The following IQGAP2 variants were observed in gnomAD, a reference collection of about 807,000 sequenced individuals.
The protein encoded by IQGAP2 is ras GTPase-activating-like protein IQGAP2.
Under a neutral mutation model 201.3 loss-of-function variants are expected in IQGAP2, and 173 were observed. The ratio of observed to expected loss-of-function variants is 0.86; its 90% CI spans 0.76 to 0.98. The LOEUF (loss-of-function observed/expected upper bound fraction) is 0.98, where lower values mean the gene tolerates loss of function less well. Among genes scored for constraint, IQGAP2 ranks in the 50% least tolerant of loss-of-function variants. IQGAP2 has a pLI of 0.00. For missense variants in IQGAP2, 1,687 were observed against 1,864.8 expected (o/e 0.90, Z 1.76); for synonymous variants, 675 against 673.9 (o/e 1.00, Z -0.03).
intron 12 of IQGAP2, chr5:76,608,961 G>T: frequency 1.3e-6 from 1 of 785,534 alleles, no homozygotes; most frequent in Non-Finnish European, 2.0e-6. Context: ...GTGGACCGTG[G>T]GCTGAGTGAA....
chr5:76,459,828 A>G (rs1754327105), intron 1 of IQGAP2, among the ~76,000 whole-genome samples: 1 of 152,020 alleles, frequency 6.6e-6, no homozygotes, highest in Non-Finnish European at 1.5e-5. Flanking sequence ...TTTAGTAGAG[A>G]TGGGATTTCA....
At chr5:76,549,107 G>A (rs1242629551) in intron 2 of IQGAP2, among the ~76,000 whole-genome samples, 3 of 152,166 alleles carry the variant, frequency 2.0e-5, no homozygotes, top group Non-Finnish European at 4.4e-5. Flanking sequence ...GGATATGGTG[G>A]TGAGCAGTAA....
chr5:76,617,101 A>G (rs1458346023), intron 13 of IQGAP2: 1 of 154,688 alleles, frequency 6.5e-6, no homozygotes, highest in East Asian at 1.9e-4. Context: ...GAGTTGTGAT[A>G]TCTTTTCTCC....
intron 13 of IQGAP2, among the ~76,000 whole-genome samples, chr5:76,621,053 C>T (rs1749613570): frequency 6.6e-6 from 1 of 152,222 alleles, no homozygotes; most frequent in African/African-American, 2.4e-5. Flanking sequence ...ATATAAACCT[C>T]ATTCTTATCG....
chr5:76,619,603 G>A (rs866161774), intron 13 of IQGAP2, among the ~76,000 whole-genome samples: 20 of 139,784 alleles, frequency 1.4e-4, no homozygotes, highest in Admixed American at 3.1e-4. Flanking sequence ...TGCAACCTCC[G>A]CCTCCCGGGT....
chr5:76,516,422 A>G (rs907788872), intron 2 of IQGAP2, among the ~76,000 whole-genome samples: 5 of 152,216 alleles, frequency 3.3e-5, no homozygotes, highest in African/African-American at 1.2e-4. Flanking sequence ...TCATCAAGCT[A>G]TAACAAAACT....
Position 76,532,026 on chromosome 5 carries a change from A to T in IQGAP2, c.147-30370A>T, listed in dbSNP as rs552868751. On this transcript the variant is annotated intron_variant, in intron 2 of 35. Transcript: ENST00000274364. The stretch of plus-strand genomic sequence containing the variant: ...TGCCATTCATGAGGGCTCCACCCTC[A>T]TGGCCTAATGGCCTCCCACAGGCCA... 8.5e-5 allele frequency among the ~76,000 whole-genome samples: 13 copies of T among 152,356 alleles called. No individual in the cohort carries two copies. In the East Asian group the frequency reaches 2.5e-3, roughly 29 times the overall value.
chr5:76,495,209 G>A (rs1756811568), intron 2 of IQGAP2, among the ~76,000 whole-genome samples: 1 of 152,142 alleles, frequency 6.6e-6, no homozygotes, highest in African/African-American at 2.4e-5. Context: ...AATGAAAATG[G>A]TTGAGAAGCA....
chr5:76,630,300 C>T (rs751643816), intron 14 of IQGAP2, among the ~76,000 whole-genome samples: 4 of 152,100 alleles, frequency 2.6e-5, no homozygotes, highest in Non-Finnish European at 4.4e-5. Flanking sequence ...TAACACTCAC[C>T]AGATTATAGC....
At chr5:76,552,993 T>C (rs1743665992) in intron 2 of IQGAP2, among the ~76,000 whole-genome samples, 1 of 152,248 alleles carries the variant, frequency 6.6e-6, no homozygotes, top group Non-Finnish European at 1.5e-5. Flanking sequence ...GCCTTTCATG[T>C]CACTTTCTTA....
At chr5:76,625,325 C>T (rs968763623) in intron 13 of IQGAP2, among the ~76,000 whole-genome samples, 1 of 152,076 alleles carries the variant, frequency 6.6e-6, no homozygotes, top group Non-Finnish European at 1.5e-5. Flanking sequence ...AGGCAAATAC[C>T]CTTCAAAAGA....
rs1031367104 is a variant in IQGAP2, at chr5:76,707,594, T to C, written c.*281T>C. ...GGACATCCTGTGATCTGTTTTAAAG[T>C]TGGGGGGTGGGAAATTTAGCTGACT... is the stretch of plus-strand genomic sequence containing the variant. On this transcript the variant is annotated 3_prime_UTR_variant, in exon 36 of 36. Coordinates refer to ENST00000274364, the MANE Select transcript of IQGAP2 (RefSeq NM_006633.5). 2 of 257,752 alleles carry C rather than the reference T, an allele frequency of 7.8e-6. No individual in the cohort carries two copies. The highest frequency in any genetic ancestry group is 4.4e-5 in the African/African-American group (2 of 45,008). 16.0% of individuals were successfully genotyped at this position (257,752 alleles called of 1,614,324 possible).
intron 13 of IQGAP2, chr5:76,618,267 G>A: frequency 6.2e-7 from 1 of 1,614,164 alleles, no homozygotes. Context: ...TATCTTAAAG[G>A]GCAATGTAAC....
chr5:76,637,211 T>A, intron 16 of IQGAP2, 35 bp downstream of exon 16: 1 of 1,513,646 alleles, frequency 6.6e-7, no homozygotes, highest in Non-Finnish European at 8.9e-7. Flanking sequence ...AACTCTACTG[T>A]ATAAAGTTAA....
intron 1 of IQGAP2, among the ~76,000 whole-genome samples, chr5:76,431,817 CAAA>C (rs11292591): frequency 2.1e-4 from 24 of 114,082 alleles, no homozygotes; most frequent in Admixed American, 3.8e-4. Flanking sequence ...GACTCTGTAT[CAAA>C]AAAAAAAAAA....
chr5:76,622,143 T>G (rs370292915), intron 13 of IQGAP2, among the ~76,000 whole-genome samples: 71 of 152,234 alleles, frequency 4.7e-4, no homozygotes, highest in African/African-American at 1.6e-3. Flanking sequence ...GAAAGCAAAT[T>G]CACTGCCTCT....
At chr5:76,645,883 T>G (rs1250246147) in intron 17 of IQGAP2, among the ~76,000 whole-genome samples, 5 of 151,806 alleles carry the variant, frequency 3.3e-5, no homozygotes, top group Non-Finnish European at 5.9e-5. Context: ...GCAGGAATGA[T>G]TCAATATTAA....
At chr5:76,644,032 A>G (rs1163916362) in intron 17 of IQGAP2, among the ~76,000 whole-genome samples, 6 of 152,000 alleles carry the variant, frequency 3.9e-5, no homozygotes, top group African/African-American at 1.4e-4. Flanking sequence ...GGTAATTTGA[A>G]TATCTCTATA....
intron 3 of IQGAP2, among the ~76,000 whole-genome samples, chr5:76,568,529 G>C (rs914296548): frequency 1.3e-5 from 2 of 152,210 alleles, no homozygotes; most frequent in East Asian, 1.9e-4. Flanking sequence ...TAAACACATG[G>C]GTGTCTTTGT....
Sources: gnomAD v4.1 joint callset for allele counts (sites outside exome capture counted in the v4.1 genomes callset) on GRCh38, gnomAD v4.1.1 for gene constraint, MANE v1.5 for transcripts, NCBI Gene and HGNC (gene_info 2026-07-23, HGNC 2026-07-21) for gene names.